The following ODF2 variants were observed in gnomAD, a reference collection of about 807,000 sequenced individuals.
ODF2 encodes the protein outer dense fiber of sperm tails 2.
Under a neutral mutation model 110.2 loss-of-function variants are expected in ODF2, and 47 were observed. The observed-to-expected ratio is 0.43, with a 90% CI of 0.34 to 0.54. The LOEUF is 0.54. ODF2 is among the 20% of genes least tolerant of loss of function. The pLI is 0.03. For synonymous variants in ODF2, 352 were observed against 397.7 expected (o/e 0.89, Z 1.37); for missense variants, 812 against 1,054.5 (o/e 0.77, Z 3.19).
chr9:128,495,288 C>A (rs941181158), intron 17 of ODF2, among the ~76,000 whole-genome samples: 6 of 152,244 alleles, frequency 3.9e-5, no homozygotes, highest in African/African-American at 1.4e-4. Flanking sequence ...TGTGTTCCTG[C>A]ATTCTCTCAT....
upstream of ODF2, among the ~76,000 whole-genome samples, chr9:128,455,644 C>CT (rs1242056883): frequency 7.0e-6 from 1 of 142,196 alleles, no homozygotes; most frequent in Non-Finnish European, 1.5e-5. Flanking sequence ...ACCCTTTCTC[C>CT]TGTTGGGGCC....
intron 1 of ODF2, chr9:128,456,980 T>G: frequency 8.0e-7 from 1 of 1,248,338 alleles, no homozygotes; most frequent in Non-Finnish European, 1.0e-6. Context: ...CCCTGCGCGG[T>G]TCTGGCCCTC....
intron 8 of ODF2, among the ~76,000 whole-genome samples, chr9:128,479,043 G>C (rs1210350710): frequency 6.6e-6 from 1 of 152,202 alleles, no homozygotes; most frequent in Admixed American, 6.5e-5. Context: ...CAGTGCCCCA[G>C]GGGAGGCCTG....
At chr9:128,466,705 T>G (rs911915743) in intron 4 of ODF2, among the ~76,000 whole-genome samples, 4 of 149,218 alleles carry the variant, frequency 2.7e-5, no homozygotes, top group African/African-American at 9.8e-5. Flanking sequence ...TGGCCGGGCG[T>G]GGTGGCTCAC....
intron 4 of ODF2, among the ~76,000 whole-genome samples, chr9:128,462,981 C>T (rs1836899041): frequency 6.6e-6 from 1 of 152,078 alleles, no homozygotes; most frequent in Non-Finnish European, 1.5e-5. Context: ...ATACATCTGG[C>T]TGGGCGTGGT....
chr9:128,489,859 T>G (rs541402715), intron 14 of ODF2, among the ~76,000 whole-genome samples: 1 of 152,190 alleles, frequency 6.6e-6, no homozygotes, highest in African/African-American at 2.4e-5. Flanking sequence ...AATAGTAAAG[T>G]AGTTGAACAA....
At chr9:128,477,452 G>A (rs1841530730) in intron 8 of ODF2, among the ~76,000 whole-genome samples, 1 of 151,978 alleles carries the variant, frequency 6.6e-6, no homozygotes, top group Admixed American at 6.6e-5. Flanking sequence ...GGGAGGCTGA[G>A]GTGGGAGGAT....
chr9:128,487,890 C>T, exon 14 of ODF2: 7 of 1,613,710 alleles, frequency 4.3e-6, no homozygotes, highest in Non-Finnish European at 5.9e-6. Context: ...GATCTTCCAG[C>T]CGGGTAACAG....
chr9:128,501,082 C>T (rs969007477), downstream of ODF2: 3 of 152,150 alleles, frequency 2.0e-5, no homozygotes, highest in Admixed American at 2.0e-4. Context: ...GTGCCTGAAA[C>T]ATCAGGCTTC....
At chr9:128,492,875 T>A (rs1844862550) in intron 16 of ODF2, 70 bp downstream of exon 16, 1 of 1,373,382 alleles carries the variant, frequency 7.3e-7, no homozygotes, top group Admixed American at 1.9e-5. Context: ...GTGAGTCTGT[T>A]CCCCTTGTTT....
At chr9:128,469,434 C>A (rs1839148497) in intron 5 of ODF2, 81 bp downstream of exon 5, 2 of 1,463,182 alleles carry the variant, frequency 1.4e-6, no homozygotes. Context: ...CCTGGTCCCT[C>A]AGCCTGCGTC....
chr9:128,472,570 G>A (rs1840290765), intron 6 of ODF2, among the ~76,000 whole-genome samples: 1 of 152,096 alleles, frequency 6.6e-6, no homozygotes, highest in Non-Finnish European at 1.5e-5. Context: ...GCAGTGTAGA[G>A]AAGAGGTAGA....
chr9:128,480,638 G>A (rs1027972182), intron 8 of ODF2, among the ~76,000 whole-genome samples: 1 of 152,114 alleles, frequency 6.6e-6, no homozygotes, highest in African/African-American at 2.4e-5. Context: ...CTAACATGGT[G>A]AAACCCTGTC....
intron 20 of ODF2, among the ~76,000 whole-genome samples, chr9:128,499,669 G>T (rs1451031577): frequency 1.3e-5 from 2 of 152,046 alleles, no homozygotes; most frequent in African/African-American, 4.8e-5. Context: ...CAGTGCAGTG[G>T]TGCTGTCATA....
At chr9:128,461,170 T>G (rs944410278) in intron 4 of ODF2, 103 bp downstream of exon 4, 3 of 1,418,876 alleles carry the variant, frequency 2.1e-6, no homozygotes, top group Non-Finnish European at 2.9e-6. Context: ...TGGAATGTCC[T>G]AACAGACCCC....
At chr9:128,473,810 C>A in intron 8 of ODF2, 69 bp downstream of exon 8, 1 of 1,459,648 alleles carries the variant, frequency 6.9e-7, no homozygotes, top group African/African-American at 1.4e-5. Flanking sequence ...TTCTCCTTGT[C>A]TGTAAAAAGA....
At chr9:128,467,543 G>A (rs1216375739) in intron 4 of ODF2, among the ~76,000 whole-genome samples, 1 of 151,694 alleles carries the variant, frequency 6.6e-6, no homozygotes, top group South Asian at 2.1e-4. Flanking sequence ...TCAGGAGTTC[G>A]AGACCAGCCT....
At chr9:128,482,708 T>C (rs191690219) in intron 9 of ODF2, 108 bp from the exon 10 acceptor site, 6 of 737,810 alleles carry the variant, frequency 8.1e-6, no homozygotes, top group Admixed American at 8.0e-5. Flanking sequence ...GGCCAATGTA[T>C]GTAGGACCTT....
chr9:128,456,261 A>G lies in ODF2; in HGVS notation c.-209+6A>G. The G allele has an allele frequency of 6.5e-7, 1 of 1,532,510 alleles. No individual in the cohort carries two copies. 94.9% of individuals were successfully genotyped at this position (1,532,510 alleles called of 1,614,324 possible). A position where few individuals can be genotyped will look rare whatever the true frequency, so the allele number is the denominator to read the frequency against. ...GCGCAGCCGTGTCGCTCCTGGTGAG[A>G]GGCCGCCGGCAGGCGGGATCCAGCG... On this transcript the variant is annotated splice_donor_region_variant and intron_variant, in intron 1 of 20. Transcript: ENST00000604420.
Sources: allele counts gnomAD v4.1 joint callset (sites outside exome capture counted in the v4.1 genomes callset), GRCh38; gene constraint gnomAD v4.1.1; transcripts MANE v1.5; gene names NCBI Gene and HGNC (gene_info 2026-07-23, HGNC 2026-07-21).